The following KLF17 variants were observed in gnomAD, a reference collection of about 807,000 sequenced individuals.
KLF17 encodes Krueppel-like factor 17.
KLF17 carries 31 observed loss-of-function variants against 34.2 expected under a neutral mutation model. The observed-to-expected ratio is 0.91, with a 90% confidence interval of 0.68 to 1.22. KLF17 has a LOEUF of 1.22. Among genes scored for constraint, KLF17 ranks in the 50% most tolerant of loss-of-function variants. The pLI is 0.00. For missense variants in KLF17, 478 were observed against 505.2 expected (o/e 0.95, Z 0.52); for synonymous variants, 179 against 186.7 (o/e 0.96, Z 0.34).
the KLF17 span, among the ~76,000 whole-genome samples, chr1:44,102,416 G>A: frequency 1.3e-5 from 2 of 151,924 alleles, no homozygotes; most frequent in African/African-American, 2.4e-5. Context: ...AACCAGGTGT[G>A]GTGGTGGGCA....
intron 1 of KLF17, among the ~76,000 whole-genome samples, chr1:44,123,047 C>G (rs1389785367): frequency 6.6e-6 from 1 of 151,866 alleles, no homozygotes; most frequent in African/African-American, 2.4e-5. Context: ...AATTTATTCA[C>G]TTCTATTAGC....
At chr1:44,056,323 G>A in the KLF17 span, among the ~76,000 whole-genome samples, 1 of 152,152 alleles carries the variant, frequency 6.6e-6, no homozygotes, top group Non-Finnish European at 1.5e-5. Context: ...TGTGCAAAAG[G>A]CTAAATATTG....
At chr1:44,050,331 C>A in the KLF17 span, among the ~76,000 whole-genome samples, 1 of 152,166 alleles carries the variant, frequency 6.6e-6, no homozygotes, top group African/African-American at 2.4e-5. Flanking sequence ...GGGGAAGAGG[C>A]AAAAGCACCT....
the KLF17 span, chr1:44,076,561 T>A: frequency 3.9e-5 from 6 of 152,356 alleles, no homozygotes; most frequent in Middle Eastern, 3.4e-3. Flanking sequence ...TGTCAGACTT[T>A]AAAAATGGTG....
At chr1:44,125,297 C>T (rs930993711) in intron 1 of KLF17, among the ~76,000 whole-genome samples, 16 of 152,098 alleles carry the variant, frequency 1.1e-4, no homozygotes, top group Admixed American at 7.9e-4. Flanking sequence ...GACAGTTTTG[C>T]CGTATATAGG....
the KLF17 span, among the ~76,000 whole-genome samples, chr1:44,095,253 T>C: frequency 1.4e-5 from 2 of 146,962 alleles, no homozygotes; most frequent in Admixed American, 1.4e-4. Flanking sequence ...TTTGCTCTTA[T>C]TGCCGAGGCT....
chr1:44,131,251 C>T (rs2088106531), intron 3 of KLF17, among the ~76,000 whole-genome samples: 2 of 152,128 alleles, frequency 1.3e-5, no homozygotes, highest in Admixed American at 1.3e-4. Flanking sequence ...CTCGGATGCC[C>T]TTAACCTCTC....
chr1:44,085,575 T>C, the KLF17 span, among the ~76,000 whole-genome samples: 2 of 151,794 alleles, frequency 1.3e-5, no homozygotes, highest in African/African-American at 4.8e-5. Context: ...GGAGGATCAT[T>C]TGGGCCCAGG....
the KLF17 span, among the ~76,000 whole-genome samples, chr1:44,085,069 T>C: frequency 1.3e-5 from 2 of 151,840 alleles, no homozygotes; most frequent in South Asian, 2.1e-4. Flanking sequence ...TGAATGTTTA[T>C]TGAGTGCCTA....
chr1:44,050,748 C>T, the KLF17 span, among the ~76,000 whole-genome samples: 1 of 152,166 alleles, frequency 6.6e-6, no homozygotes. Flanking sequence ...GAAACTCTGT[C>T]TCTACTAAAA....
chr1:44,104,516 G>A, the KLF17 span: 3 of 732,690 alleles, frequency 4.1e-6, no homozygotes, highest in Admixed American at 3.6e-5. Context: ...GGGTGCGCAT[G>A]GCCTGGATGT....
the KLF17 span, among the ~76,000 whole-genome samples, chr1:44,077,731 A>G: frequency 6.6e-6 from 1 of 152,346 alleles, no homozygotes; most frequent in Admixed American, 6.5e-5. Context: ...GCCTCTACAC[A>G]GTCAGAATTC....
chr1:44,116,941 C>T (rs958836479), upstream of KLF17, among the ~76,000 whole-genome samples: 2 of 152,280 alleles, frequency 1.3e-5, no homozygotes, highest in South Asian at 2.1e-4. Flanking sequence ...CAGTTGCCTC[C>T]AAATCTGCTC....
At chr1:44,072,754 G>C in the KLF17 span, among the ~76,000 whole-genome samples, 1 of 151,956 alleles carries the variant, frequency 6.6e-6, no homozygotes, top group Non-Finnish European at 1.5e-5. Flanking sequence ...GTAGATGCGG[G>C]CACCAAGGAT....
the KLF17 span, among the ~76,000 whole-genome samples, chr1:44,050,340 C>T: frequency 6.6e-6 from 1 of 152,180 alleles, no homozygotes; most frequent in Admixed American, 6.5e-5. Context: ...GCAAAAGCAC[C>T]TCTCCAAAAG....
chr1:44,087,430 A>G, the KLF17 span, among the ~76,000 whole-genome samples: 4 of 151,016 alleles, frequency 2.6e-5, no homozygotes, highest in African/African-American at 9.7e-5. Flanking sequence ...TAATTAAAAC[A>G]AAAAAAAATT....
the KLF17 span, among the ~76,000 whole-genome samples, chr1:44,097,692 C>G: frequency 6.6e-6 from 1 of 152,092 alleles, no homozygotes; most frequent in Non-Finnish European, 1.5e-5. Context: ...TTGTCTTGTT[C>G]CAGATCTTTG....
intron 1 of KLF17, chr1:44,122,456 C>T: frequency 8.1e-7 from 1 of 1,235,424 alleles, no homozygotes; most frequent in Non-Finnish European, 1.2e-6. Context: ...TTCTGTTCTT[C>T]AATGCAATGG....
chr1:44,065,839 A>T, the KLF17 span, among the ~76,000 whole-genome samples: 1 of 151,950 alleles, frequency 6.6e-6, no homozygotes, highest in Non-Finnish European at 1.5e-5. Flanking sequence ...GTATGTGCAG[A>T]TAATGCCTAT....
Sources: gnomAD v4.1 joint callset for allele counts (sites outside exome capture counted in the v4.1 genomes callset) on GRCh38, gnomAD v4.1.1 for gene constraint, MANE v1.5 for transcripts, NCBI Gene and HGNC (gene_info 2026-07-23, HGNC 2026-07-21) for gene names.